The following IQUB variants were observed in gnomAD, a reference collection of about 807,000 sequenced individuals.
IQUB encodes IQ motif and ubiquitin-like domain-containing protein.
IQUB carries 86 observed loss-of-function variants against 86.4 expected under a neutral mutation model. The ratio of observed to expected loss-of-function variants is 1.00; its 90% CI spans 0.84 to 1.19. The LOEUF is 1.19. IQUB is among the 50% of genes most tolerant of loss of function. The pLI is 0.00. For missense variants in IQUB, 946 were observed against 916.9 expected (o/e 1.03, Z -0.41); for synonymous variants, 289 against 304.5 (o/e 0.95, Z 0.53).
rs180889633 is a variant in IQUB at position 123,472,608 on chromosome 7, G to A, written c.1411-3224C>T. 6.6e-3 allele frequency among the ~76,000 whole-genome samples: 1,011 copies of A among 152,296 alleles called. 8 individuals are homozygous for A. Among genetic ancestry groups the A allele is most frequent in the Non-Finnish European group, 9.2e-3 (629 of 68,014 alleles). On this transcript the variant is annotated intron_variant, in intron 8 of 12. Transcript: ENST00000324698. ...ATAACTAGGAGTTAGCCAGATTAAA[G>A]GGAACCGAGTGATACAATCAAAGAA...
chr7:123,467,024 T>A (rs184473214), intron 9 of IQUB, among the ~76,000 whole-genome samples: 277 of 152,124 alleles, frequency 1.8e-3, no homozygotes, highest in African/African-American at 6.2e-3. Context: ...ACAAGCACAA[T>A]TCAGAACCCA....
Position 123,512,259 on chromosome 7 carries a change from T to C in IQUB, c.82A>G (p.Thr28Ala), listed in dbSNP as rs774327458. ...GGCTCTTCTGAGGGAACTGGAATAG[T>C]GACAGTATCAAAAGCATCATCACTC... ...EESDDAFDTV[T>A]IPVPSEEPQE... Residue 28 changes from threonine (T) to alanine (A), a missense_variant, in exon 2 of 13, where the codon ACT (threonine) becomes GCT (alanine). Transcript: ENST00000324698. 1.9e-6 allele frequency: 3 copies of C among 1,612,826 alleles called. No individual in the cohort carries two copies. The highest frequency in any genetic ancestry group is 2.5e-6 in the Non-Finnish European group (3 of 1,178,904).
chr7:123,521,759 T>C (rs1477971270), intron 1 of IQUB, among the ~76,000 whole-genome samples: 1 of 152,046 alleles, frequency 6.6e-6, no homozygotes, highest in Non-Finnish European at 1.5e-5. Flanking sequence ...ATTAATGATA[T>C]GAATGACCCA....
At chr7:123,518,480 T>A (rs1449748020) in intron 1 of IQUB, among the ~76,000 whole-genome samples, 1 of 152,208 alleles carries the variant, frequency 6.6e-6, no homozygotes, top group East Asian at 1.9e-4. Flanking sequence ...AGGTCCTAAA[T>A]GATCTAGCCC....
intron 7 of IQUB, among the ~76,000 whole-genome samples, chr7:123,491,014 C>A (rs1335461870): frequency 6.7e-6 from 1 of 148,880 alleles, no homozygotes; most frequent in Admixed American, 6.7e-5. Context: ...TCAAATTATA[C>A]AAAATTACAT....
intron 7 of IQUB, among the ~76,000 whole-genome samples, chr7:123,493,732 T>C (rs1795584979): frequency 9.4e-5 from 1 of 10,616 alleles, no homozygotes; most frequent in African/African-American, 2.7e-4. Context: ...TGTGTGTGTA[T>C]GTGTGTGTGT....
intron 1 of IQUB, among the ~76,000 whole-genome samples, chr7:123,534,226 G>C (rs774273583): frequency 1.3e-4 from 20 of 152,208 alleles, no homozygotes; most frequent in Non-Finnish European, 2.2e-4. Flanking sequence ...CAGGGTGTGA[G>C]GTGAGGTGTA....
chr7:123,487,482 C>T (rs1276318687), intron 7 of IQUB, among the ~76,000 whole-genome samples: 1 of 152,172 alleles, frequency 6.6e-6, no homozygotes, highest in Admixed American at 6.5e-5. Flanking sequence ...GCTAAACCCA[C>T]CATTAATCAA....
At chr7:123,476,902 G>C (rs1241524302) in intron 8 of IQUB, among the ~76,000 whole-genome samples, 1 of 152,036 alleles carries the variant, frequency 6.6e-6, no homozygotes, top group Non-Finnish European at 1.5e-5. Context: ...ACCTCTTCAA[G>C]GAGAACTACA....
Position 123,452,942 on chromosome 7 carries a change from C to A in IQUB, c.2194-17G>T. 1.3e-6 allele frequency: 2 copies of A among 1,586,888 alleles called. No homozygotes were observed. The highest frequency in any genetic ancestry group is 2.3e-5 in the South Asian group (2 of 88,448). ...TTCATATCCCTGCAAAGAAAAAAAT[C>A]AAATTCTAGTAAATATCACAGATAT... On this transcript the variant is annotated splice_polypyrimidine_tract_variant and intron_variant, in intron 12 of 12. Coordinates refer to ENST00000324698, the MANE Select transcript of IQUB (RefSeq NM_178827.5).
intron 1 of IQUB, among the ~76,000 whole-genome samples, chr7:123,523,179 T>C (rs1047664217): frequency 7.2e-5 from 11 of 151,992 alleles, no homozygotes; most frequent in African/African-American, 2.4e-4. Flanking sequence ...TGCATGTATC[T>C]TTATAGCAGC....
chr7:123,459,358 T>A (rs1273830473), intron 11 of IQUB, among the ~76,000 whole-genome samples: 1 of 152,022 alleles, frequency 6.6e-6, no homozygotes, highest in Non-Finnish European at 1.5e-5. Context: ...AGATTAACAT[T>A]TAAGTAAGTC....
intron 12 of IQUB, among the ~76,000 whole-genome samples, chr7:123,455,099 A>C (rs1793627066): frequency 6.6e-6 from 1 of 151,878 alleles, no homozygotes; most frequent in Non-Finnish European, 1.5e-5. Context: ...TTATTCATTC[A>C]GTCGTTTTTT....
rs139974446 is a variant in IQUB, at chr7:123,453,069, C to T, written c.2194-144G>A. On this transcript the variant is annotated intron_variant, in intron 12 of 12. Transcript: ENST00000324698. ...TTCTCACGTTGTCTATCATCATTCA[C>T]GACTCAGCTCCTATGATACTTTAAC... 1,752 of 633,122 alleles carry T rather than the reference C, an allele frequency of 2.8e-3. 37 individuals carry two copies. The highest frequency in any genetic ancestry group is 0.014 in the Middle Eastern group (31 of 2,294). The allele number at this position is 633,122 out of a possible 1,614,324, so 39.2% of individuals were successfully genotyped here.
intron 7 of IQUB, among the ~76,000 whole-genome samples, chr7:123,485,498 A>C (rs1387227330): frequency 6.6e-6 from 1 of 152,130 alleles, no homozygotes; most frequent in Non-Finnish European, 1.5e-5. Context: ...GATAACCACA[A>C]ATATTTTTAA....
intron 3 of IQUB, among the ~76,000 whole-genome samples, chr7:123,506,747 C>T (rs1301633731): frequency 1.3e-5 from 2 of 152,090 alleles, no homozygotes; most frequent in Non-Finnish European, 2.9e-5. Context: ...AACCACATCG[C>T]CCCCAGAACA....
chr7:123,522,827 A>G (rs1256719254), intron 1 of IQUB, among the ~76,000 whole-genome samples: 1 of 148,528 alleles, frequency 6.7e-6, no homozygotes, highest in African/African-American at 2.5e-5. Context: ...AGCATTAGGT[A>G]TATCTCCCAA....
At chr7:123,509,271 C>T (rs567482097) in intron 3 of IQUB, among the ~76,000 whole-genome samples, 1 of 152,128 alleles carries the variant, frequency 6.6e-6, no homozygotes, top group Non-Finnish European at 1.5e-5. Flanking sequence ...AATATAACTT[C>T]AGTGCGCTGT....
At chr7:123,506,519 TGAA>T (rs955270137) in intron 3 of IQUB, among the ~76,000 whole-genome samples, 1 of 151,800 alleles carries the variant, frequency 6.6e-6, no homozygotes, top group African/African-American at 2.4e-5. Context: ...TGGCAAAAGG[TGAA>T]GAAGGAGGCA....
Sources: gnomAD v4.1 joint callset for allele counts (sites outside exome capture counted in the v4.1 genomes callset) on GRCh38, gnomAD v4.1.1 for gene constraint, MANE v1.5 for transcripts, NCBI Gene and HGNC (gene_info 2026-07-23, HGNC 2026-07-21) for gene names.